The following PCSK5 variants were observed in gnomAD, a reference collection of about 807,000 sequenced individuals.
The protein encoded by PCSK5 is proprotein convertase subtilisin/kexin type 5, also known as prohormone convertase 5.
A neutral mutation model predicts 233.2 loss-of-function variants in PCSK5; 129 were observed. That is an observed-to-expected ratio of 0.55 (90% CI 0.48 to 0.64). The LOEUF (loss-of-function observed/expected upper bound fraction) is 0.64. PCSK5 is among the 30% of genes least tolerant of loss of function. PCSK5 has a pLI of 0.00. For synonymous variants in PCSK5, 825 were observed against 879.2 expected, an observed-to-expected ratio of 0.94 and a Z score of 1.09; for missense variants, 2,076 against 2,430.1, an observed-to-expected ratio of 0.85 and a Z score of 3.06.
chr9:76,293,760 A>T (rs1023183572), intron 25 of PCSK5, among the ~76,000 whole-genome samples: 4 of 152,264 alleles, frequency 2.6e-5, no homozygotes, highest in African/African-American at 9.6e-5. Flanking sequence ...TGTTTCATAA[A>T]ACCCTCTGAA....
At chr9:76,259,296 C>T (rs1455549844) in intron 24 of PCSK5, among the ~76,000 whole-genome samples, 1 of 152,174 alleles carries the variant, frequency 6.6e-6, no homozygotes, top group East Asian at 1.9e-4. Flanking sequence ...CCCATTCTTG[C>T]CCCAGGGCCC....
chr9:76,342,588 G>A (rs1467763711), intron 35 of PCSK5, among the ~76,000 whole-genome samples: 1 of 152,160 alleles, frequency 6.6e-6, no homozygotes, highest in African/African-American at 2.4e-5. Context: ...TTCTTCCCAA[G>A]TACATGTGAA....
At chr9:75,898,775 A>T (rs1482617834) in intron 1 of PCSK5, among the ~76,000 whole-genome samples, 1 of 152,120 alleles carries the variant, frequency 6.6e-6, no homozygotes, top group South Asian at 2.1e-4. Flanking sequence ...TATATTGAGG[A>T]TCTCTGAGAA....
intron 20 of PCSK5, among the ~76,000 whole-genome samples, chr9:76,210,697 G>C (rs150812381): frequency 1.7e-4 from 26 of 152,316 alleles, no homozygotes; most frequent in African/African-American, 6.3e-4. Context: ...GAATTTCAGA[G>C]AGAACATTCT....
chr9:76,070,156 G>T (rs1013906660), intron 6 of PCSK5, among the ~76,000 whole-genome samples: 1 of 151,874 alleles, frequency 6.6e-6, no homozygotes, highest in Non-Finnish European at 1.5e-5. Context: ...GCCCACCACT[G>T]CGCCCGGCTA....
intron 24 of PCSK5, among the ~76,000 whole-genome samples, chr9:76,250,520 T>C (rs1039949555): frequency 6.6e-6 from 1 of 152,214 alleles, no homozygotes; most frequent in Non-Finnish European, 1.5e-5. Context: ...TTTACCTCTA[T>C]AGTCTTTCTG....
intron 10 of PCSK5, among the ~76,000 whole-genome samples, chr9:76,153,100 A>G (rs1297168289): frequency 1.3e-5 from 2 of 152,162 alleles, no homozygotes; most frequent in Non-Finnish European, 2.9e-5. Context: ...TGAGACCTCA[A>G]CTGATATCTT....
intron 15 of PCSK5, among the ~76,000 whole-genome samples, chr9:76,180,418 A>T (rs1168447338): frequency 6.6e-6 from 1 of 152,136 alleles, no homozygotes; most frequent in East Asian, 1.9e-4. Flanking sequence ...TTTCCAGCAC[A>T]TAGGCCATCA....
intron 12 of PCSK5, among the ~76,000 whole-genome samples, chr9:76,166,538 TG>T (rs1823093994): frequency 6.6e-6 from 1 of 152,200 alleles, no homozygotes; most frequent in African/African-American, 2.4e-5. Context: ...GATTAAAAGT[TG>T]GCTGAGGTTG....
chr9:76,175,291 C>CGAATG, intron 14 of PCSK5, 162 bp downstream of exon 14: 1 of 510,672 alleles, frequency 2.0e-6, no homozygotes, highest in Non-Finnish European at 3.4e-6. Flanking sequence ...CGAATCGAAT[C>CGAATG]GAATAGAATA....
chr9:75,966,981 A>G (rs1247227677), intron 2 of PCSK5, among the ~76,000 whole-genome samples: 7 of 152,354 alleles, frequency 4.6e-5, no homozygotes, highest in African/African-American at 1.4e-4. Context: ...TCTGGGTCAC[A>G]GGTAGCCTTA....
chr9:76,071,677 T>C (rs1019436842), intron 6 of PCSK5, 49 bp from the exon 7 acceptor site: 1 of 1,478,520 alleles, frequency 6.8e-7, no homozygotes, highest in Non-Finnish European at 9.3e-7. Flanking sequence ...TCTTTGAGTG[T>C]TGTGTAGGGA....
Position 75,995,744 on chromosome 9 carries a change from T to TACACACACACAC in PCSK5, c.411+9526_411+9537dup, listed in dbSNP as rs35132294. On this transcript the variant is annotated intron_variant, in intron 3 of 37. Coordinates refer to ENST00000674117, the MANE Select transcript of PCSK5 (RefSeq NM_001372043.1). ...TGATACTTTTAACAGGATTCATTCA[T>TACACACACACAC]ACACACACACACACACACACACACA... is the stretch of plus-strand genomic sequence containing the variant. Among the ~76,000 whole-genome samples the TACACACACACAC allele has an allele frequency of 7.0e-3, 1,022 of 146,026 alleles. 11 individuals are homozygous for TACACACACACAC. The highest frequency in any genetic ancestry group is 0.018 in the African/African-American group (695 of 39,322).
At chr9:76,155,778 A>G (rs1392663761) in intron 10 of PCSK5, among the ~76,000 whole-genome samples, 5 of 152,222 alleles carry the variant, frequency 3.3e-5, no homozygotes, top group Non-Finnish European at 5.9e-5. Flanking sequence ...TTGGTCAGAG[A>G]GTACTTCAAG....
At chr9:76,115,214 C>G (rs1832376875) in intron 9 of PCSK5, among the ~76,000 whole-genome samples, 1 of 151,960 alleles carries the variant, frequency 6.6e-6, no homozygotes, top group Non-Finnish European at 1.5e-5. Flanking sequence ...GATTTTGCAC[C>G]AAGACCTGTA....
chr9:76,047,100 CTT>C (rs61399433), intron 5 of PCSK5, among the ~76,000 whole-genome samples: 6 of 143,304 alleles, frequency 4.2e-5, no homozygotes, highest in Non-Finnish European at 6.2e-5. Context: ...TCAAGGAAAT[CTT>C]TTTTTTTTTT....
At chr9:76,094,553 T>C (rs1831427637) in intron 7 of PCSK5, among the ~76,000 whole-genome samples, 2 of 152,204 alleles carry the variant, frequency 1.3e-5, no homozygotes, top group South Asian at 4.1e-4. Flanking sequence ...CTTCACTGTG[T>C]ATGTCTATAT....
chr9:75,897,567 C>G (rs573918183), intron 1 of PCSK5, among the ~76,000 whole-genome samples: 1 of 149,480 alleles, frequency 6.7e-6, no homozygotes, highest in South Asian at 2.1e-4. Flanking sequence ...AATCTCAGCT[C>G]GCTGCAACCG....
At chr9:76,318,396 C>T (rs928164831) in intron 30 of PCSK5, among the ~76,000 whole-genome samples, 2 of 151,844 alleles carry the variant, frequency 1.3e-5, no homozygotes, top group African/African-American at 2.4e-5. Flanking sequence ...GTGCAGCAAA[C>T]CACCATGGCA....
Sources: gnomAD v4.1 joint callset for allele counts (sites outside exome capture counted in the v4.1 genomes callset) on GRCh38, gnomAD v4.1.1 for gene constraint, MANE v1.5 for transcripts, NCBI Gene and HGNC (gene_info 2026-07-23, HGNC 2026-07-21) for gene names.